Variants in GRHL2 observed in about 807,000 individuals in gnomAD.
GRHL2 encodes the protein grainyhead like transcription factor 2.
Under a neutral mutation model 83.8 loss-of-function variants are expected in GRHL2, and 21 were observed. The ratio of observed to expected loss-of-function variants is 0.25; its 90% CI spans 0.18 to 0.36. The LOEUF (loss-of-function observed/expected upper bound fraction) is 0.36, where lower values mean the gene tolerates loss of function less well. Ranked by LOEUF, GRHL2 falls within the 10% of genes least tolerant of loss-of-function variation. The pLI, the probability that GRHL2 is intolerant of heterozygous loss-of-function variation, is 1.00. For missense variants in GRHL2, 623 were observed against 781.8 expected (o/e 0.80, Z 2.42); for synonymous variants, 280 against 278.9 (o/e 1.00, Z -0.04).
intron 2 of GRHL2, among the ~76,000 whole-genome samples, chr8:101,549,473 C>T (rs1466421805): frequency 1.3e-5 from 2 of 152,134 alleles, no homozygotes; most frequent in Non-Finnish European, 2.9e-5. Context: ...GCAGCCCAAG[C>T]AAGGGACCCT....
At chr8:101,585,704 G>A (rs933414826) in intron 7 of GRHL2, among the ~76,000 whole-genome samples, 2 of 152,250 alleles carry the variant, frequency 1.3e-5, no homozygotes, top group African/African-American at 2.4e-5. Flanking sequence ...ATTAGAAACA[G>A]TTATGTGATA....
At chr8:101,595,850 G>A (rs772001191) in intron 7 of GRHL2, among the ~76,000 whole-genome samples, 4 of 152,134 alleles carry the variant, frequency 2.6e-5, no homozygotes, top group East Asian at 1.9e-4. Flanking sequence ...GCTGGGTGCC[G>A]TGGCTCACAC....
At chr8:101,612,520 GATACATACATAC>G (rs58026460) in intron 8 of GRHL2, among the ~76,000 whole-genome samples, 15,896 of 123,620 alleles carry the variant, frequency 0.13, 1,309 homozygotes, top group Admixed American at 0.18. Flanking sequence ...TAGATAGATA[GATACATACATAC>G]ATACATACAT....
chr8:101,598,625 G>T, intron 7 of GRHL2, among the ~76,000 whole-genome samples: 2 of 129,130 alleles, frequency 1.5e-5, no homozygotes, highest in African/African-American at 5.4e-5. Flanking sequence ...AAGTACTGAT[G>T]ACACTGCCTG....
intron 14 of GRHL2, among the ~76,000 whole-genome samples, chr8:101,661,642 C>T (rs551743234): frequency 5.7e-4 from 87 of 152,204 alleles, no homozygotes; most frequent in African/African-American, 2.1e-3. Flanking sequence ...ATTTTCAATC[C>T]ATGGCTGATT....
chr8:101,539,093 A>T (rs1811100935), intron 1 of GRHL2, among the ~76,000 whole-genome samples: 2 of 152,162 alleles, frequency 1.3e-5, no homozygotes, highest in Non-Finnish European at 2.9e-5. Context: ...AAGAAGGAAG[A>T]TTTAGGGAAA....
chr8:101,661,690 G>C (rs188478990), intron 14 of GRHL2, among the ~76,000 whole-genome samples: 1 of 152,138 alleles, frequency 6.6e-6, no homozygotes, highest in Non-Finnish European at 1.5e-5. Flanking sequence ...ACTGAGGGCC[G>C]ACTGTATTTT....
chr8:101,532,871 G>T (rs1810967698), intron 1 of GRHL2, among the ~76,000 whole-genome samples: 2 of 152,052 alleles, frequency 1.3e-5, no homozygotes, highest in African/African-American at 4.8e-5. Flanking sequence ...GGAGAGGACA[G>T]TTGAGACAGA....
At chr8:101,559,973 A>G (rs1033061934) in intron 4 of GRHL2, among the ~76,000 whole-genome samples, 9 of 152,158 alleles carry the variant, frequency 5.9e-5, no homozygotes, top group African/African-American at 2.2e-4. Flanking sequence ...TGCTTAGCAT[A>G]GTTTTGAGAC....
At chr8:101,577,176 G>A (rs1811949906) in intron 6 of GRHL2, among the ~76,000 whole-genome samples, 1 of 151,206 alleles carries the variant, frequency 6.6e-6, no homozygotes, top group Admixed American at 6.6e-5. Context: ...AACTGATGTA[G>A]GACTCTTTTT....
At chr8:101,530,649 C>A (rs1359404509) in intron 1 of GRHL2, among the ~76,000 whole-genome samples, 1 of 152,184 alleles carries the variant, frequency 6.6e-6, no homozygotes, top group Non-Finnish European at 1.5e-5. Flanking sequence ...CCATTCAATT[C>A]ATTCAATAAA....
the GRHL2 span, among the ~76,000 whole-genome samples, chr8:101,678,391 G>A: frequency 0.01 from 1,588 of 151,352 alleles, 33 homozygotes; most frequent in African/African-American, 0.034. Flanking sequence ...AAAAAACGGC[G>A]CACCACGAGA....
intron 5 of GRHL2, among the ~76,000 whole-genome samples, chr8:101,572,198 G>A (rs1811841404): frequency 6.6e-6 from 1 of 152,196 alleles, no homozygotes; most frequent in Non-Finnish European, 1.5e-5. Flanking sequence ...ACGCAAGCTA[G>A]TGGTCTAGGT....
intron 1 of GRHL2, among the ~76,000 whole-genome samples, chr8:101,518,245 C>CA (rs1246356895): frequency 6.6e-6 from 1 of 152,032 alleles, no homozygotes; most frequent in Non-Finnish European, 1.5e-5. Flanking sequence ...CCCGTTTCTA[C>CA]AAAAAATGCA....
chr8:101,519,060 T>C (rs74750888), intron 1 of GRHL2, among the ~76,000 whole-genome samples: 8 of 17,588 alleles, frequency 4.5e-4, no homozygotes, highest in Non-Finnish European at 1.9e-3. Flanking sequence ...CTGTCCATTT[T>C]TGTTAGGTTT....
intron 8 of GRHL2, among the ~76,000 whole-genome samples, chr8:101,610,760 T>C (rs1812731991): frequency 6.6e-6 from 1 of 150,864 alleles, no homozygotes; most frequent in Non-Finnish European, 1.5e-5. Context: ...TTGGCAGATG[T>C]TTTTTTCTGT....
chr8:101,618,739 A>G (rs1180039065), intron 8 of GRHL2, among the ~76,000 whole-genome samples: 2 of 152,144 alleles, frequency 1.3e-5, no homozygotes, highest in East Asian at 1.9e-4. Flanking sequence ...AAAAATAATA[A>G]GTGGTCTCAA....
At chr8:101,530,442 G>T (rs1810900329) in intron 1 of GRHL2, among the ~76,000 whole-genome samples, 1 of 152,136 alleles carries the variant, frequency 6.6e-6, no homozygotes, top group Non-Finnish European at 1.5e-5. Context: ...AGCTAATTTG[G>T]TTATAACATA....
Position 101,521,387 on chromosome 8 carries a change from G to A in GRHL2, c.21-21854G>A, listed in dbSNP as rs144802918. 6.3e-3 allele frequency among the ~76,000 whole-genome samples: 961 copies of A among 152,318 alleles called. 14 individuals carry two copies. The highest frequency in any genetic ancestry group is 9.7e-3 in the Non-Finnish European group (661 of 68,026). ...ATGTGGTGATAAATTTCAGTGACGG[G>A]CAACAGGATCTTTGGCCCATGATGC... On this transcript the variant is annotated intron_variant, in intron 1 of 15. Transcript: ENST00000646743.
Sources: gnomAD v4.1 joint callset for allele counts (sites outside exome capture counted in the v4.1 genomes callset) on GRCh38, gnomAD v4.1.1 for gene constraint, MANE v1.5 for transcripts, NCBI Gene and HGNC (gene_info 2026-07-23, HGNC 2026-07-21) for gene names.